PXT1: variants seen among roughly 807,000 people sequenced by gnomAD.
PXT1 encodes the protein peroxisomal testis enriched protein 1.
PXT1 carries 11 observed loss-of-function variants against 11.0 expected under a neutral mutation model. That is an observed-to-expected ratio of 1.00 (90% CI 0.63 to 1.66). The LOEUF (loss-of-function observed/expected upper bound fraction) is 1.66, where lower values mean the gene tolerates loss of function less well. Ranked by LOEUF, PXT1 falls within the 40% of genes most tolerant of loss-of-function variation. The pLI is 0.00. For missense variants in PXT1, 141 were observed against 155.5 expected (o/e 0.91, Z 0.49); for synonymous variants, 43 against 51.4 (o/e 0.84, Z 0.70).
At chr6:36,400,260 T>C (rs190068599) in intron 4 of PXT1, among the ~76,000 whole-genome samples, 194 bp downstream of exon 4, 2 of 152,228 alleles carry the variant, frequency 1.3e-5, no homozygotes, top group Non-Finnish European at 2.9e-5. Flanking sequence ...GACCACAGTC[T>C]GAGTAGCAAG....
At chr6:36,442,308 C>T (rs986430662) in intron 1 of PXT1, among the ~76,000 whole-genome samples, 11 of 152,092 alleles carry the variant, frequency 7.2e-5, no homozygotes, top group Non-Finnish European at 4.4e-5. Context: ...GGATTACAGG[C>T]GTGAGCCACC....
At chr6:36,430,867 T>G (rs1415068316) in intron 2 of PXT1, among the ~76,000 whole-genome samples, 3 of 152,088 alleles carry the variant, frequency 2.0e-5, no homozygotes, top group Admixed American at 2.0e-4. Context: ...CAAGCTGGAG[T>G]GCAGTGCCGC....
At chr6:36,394,973 T>C (rs1386146543) in intron 4 of PXT1, among the ~76,000 whole-genome samples, 2 of 151,744 alleles carry the variant, frequency 1.3e-5, no homozygotes, top group Non-Finnish European at 2.9e-5. Context: ...GCTAATTTTT[T>C]TAAAAATTGT....
In PXT1 at chr6:36,442,695, G is replaced by A. The variant is rs568436706; in HGVS notation, c.-290C>T. The A allele has an allele frequency of 2.2e-4, 33 of 152,290 alleles. 1 individual carries two copies. The highest frequency in any genetic ancestry group is 7.9e-4 in the African/African-American group (33 of 41,560). The allele number at this position is 152,290 out of a possible 1,614,324, so 9.4% of individuals were successfully genotyped here. ...CTCGCTCCACGCATGGGGAGATCAG[G>A]GTTCCACATTTTCGGGTAAGCATTA... On this transcript the variant is annotated 5_prime_UTR_variant, in exon 1 of 5. Coordinates refer to ENST00000454782, the MANE Select transcript of PXT1 (RefSeq NM_152990.4).
chr6:36,413,929 T>C (rs946316351), intron 3 of PXT1, among the ~76,000 whole-genome samples: 6 of 152,078 alleles, frequency 3.9e-5, no homozygotes, highest in Non-Finnish European at 7.4e-5. Flanking sequence ...AGCCCAGGAC[T>C]TCAAGGCTAC....
At chr6:36,397,554 A>G (rs751529259) in intron 4 of PXT1, among the ~76,000 whole-genome samples, 1 of 152,248 alleles carries the variant, frequency 6.6e-6, no homozygotes, top group Non-Finnish European at 1.5e-5. Context: ...AATTAAAACT[A>G]AAAAGCCTTT....
At chr6:36,439,644 G>GAAAAA (rs11478447) in intron 1 of PXT1, among the ~76,000 whole-genome samples, 1 of 102,850 alleles carries the variant, frequency 9.7e-6, no homozygotes, top group Non-Finnish European at 2.0e-5. Flanking sequence ...ATATAAGGCT[G>GAAAAA]AAAAAAAAAA....
chr6:36,391,896 C>G lies in PXT1; in HGVS notation c.301-22G>C, dbSNP rs751234992. Reference sequence around the variant, plus strand: ...GATCCTATTTGAAAAAAGGGAGACACAGAGAAAGGTTTTTTTTTTTTTTTA... The same window carrying G: ...GATCCTATTTGAAAAAAGGGAGACAGAGAGAAAGGTTTTTTTTTTTTTTTA... On this transcript the variant is annotated intron_variant, in intron 4 of 4. Transcript: ENST00000454782. 5 of 1,365,834 alleles carry G rather than the reference C, an allele frequency of 3.7e-6. 1 individual carries two copies. Among genetic ancestry groups the G allele is most frequent in the Admixed American group, 4.8e-5 (2 of 42,024 alleles). 84.6% of individuals were successfully genotyped at this position (1,365,834 alleles called of 1,614,324 possible).
At chr6:36,400,680 G>A (rs543856417) in intron 3 of PXT1, 96 bp from the exon 4 acceptor site, 4 of 1,348,798 alleles carry the variant, frequency 3.0e-6, no homozygotes, top group African/African-American at 2.9e-5. Context: ...TAGAAAATGA[G>A]AGGGTTGGCC....
At chr6:36,400,894 C>T (rs1008007804) in intron 3 of PXT1, among the ~76,000 whole-genome samples, 4 of 151,836 alleles carry the variant, frequency 2.6e-5, no homozygotes, top group African/African-American at 9.7e-5. Flanking sequence ...CACCTGAACC[C>T]AGGAGGCAGA....
At chr6:36,395,960 T>C (rs1401265627) in intron 4 of PXT1, among the ~76,000 whole-genome samples, 2 of 152,120 alleles carry the variant, frequency 1.3e-5, no homozygotes, top group Non-Finnish European at 2.9e-5. Flanking sequence ...ATAGTGCCAC[T>C]GTACTCCAAA....
chr6:36,440,833 T>C (rs537957347), intron 1 of PXT1, among the ~76,000 whole-genome samples: 8 of 152,200 alleles, frequency 5.3e-5, no homozygotes, highest in Non-Finnish European at 1.2e-4. Context: ...TGTTATCACT[T>C]ATTTATTTTG....
chr6:36,398,297 C>T (rs1774170860), intron 4 of PXT1, among the ~76,000 whole-genome samples: 1 of 152,140 alleles, frequency 6.6e-6, no homozygotes, highest in Admixed American at 6.5e-5. Flanking sequence ...ATAGTGCAGC[C>T]ACTTTGGAAA....
intron 3 of PXT1, among the ~76,000 whole-genome samples, chr6:36,425,228 A>C (rs1267300740): frequency 6.6e-6 from 1 of 152,210 alleles, no homozygotes; most frequent in African/African-American, 2.4e-5. Context: ...TCTAGTGGCA[A>C]AATCGAGAAG....
At chr6:36,425,648 C>T (rs1297910017) in intron 3 of PXT1, among the ~76,000 whole-genome samples, 2 of 151,502 alleles carry the variant, frequency 1.3e-5, no homozygotes, top group Non-Finnish European at 2.9e-5. Context: ...ATTAGCCCAG[C>T]GTGGTGGTGG....
rs535115149 is a variant in PXT1 at position 36,442,070 on chromosome 6, T to C, written c.-130+465A>G. Among the ~76,000 whole-genome samples, 4 of 151,320 alleles carry C rather than the reference T, an allele frequency of 2.6e-5. No individual in the cohort carries two copies. The East Asian group carries it at 7.7e-4, about 29-fold the overall frequency. On this transcript the variant is annotated intron_variant, in intron 1 of 4. Transcript: ENST00000454782. ...TATATTTAATTAGTATATATAGACA[T>C]ATATATATATATTTGAGAGGGAACT...
chr6:36,396,534 G>A (rs1396700396), intron 4 of PXT1, among the ~76,000 whole-genome samples: 2 of 152,240 alleles, frequency 1.3e-5, no homozygotes, highest in African/African-American at 4.8e-5. Flanking sequence ...GAGGCAGATT[G>A]ATTCCTGGGT....
intron 3 of PXT1, among the ~76,000 whole-genome samples, chr6:36,404,791 C>T (rs1774265235): frequency 6.6e-6 from 1 of 152,108 alleles, no homozygotes; most frequent in South Asian, 2.1e-4. Flanking sequence ...AACCCTGTCT[C>T]TATTAAAAAT....
At chr6:36,422,915 TG>T (rs1187697390) in intron 3 of PXT1, among the ~76,000 whole-genome samples, 4 of 152,214 alleles carry the variant, frequency 2.6e-5, no homozygotes, top group Non-Finnish European at 5.9e-5. Flanking sequence ...ACAGCAATGG[TG>T]GGCAGGGCCT....
Sources: gnomAD v4.1 joint callset for allele counts (sites outside exome capture counted in the v4.1 genomes callset) on GRCh38, gnomAD v4.1.1 for gene constraint, MANE v1.5 for transcripts, NCBI Gene and HGNC (gene_info 2026-07-23, HGNC 2026-07-21) for gene names.